Variants in NRCAM observed in about 807,000 individuals in gnomAD.
NRCAM encodes the protein neuronal cell adhesion molecule.
A neutral mutation model predicts 156.5 loss-of-function variants in NRCAM; 83 were observed. That is an observed-to-expected ratio of 0.53 (90% CI 0.44 to 0.64). The LOEUF is 0.64. Ranked by LOEUF, NRCAM falls within the 30% of genes least tolerant of loss-of-function variation. The pLI, the probability that NRCAM is intolerant of heterozygous loss-of-function variation, is 0.00. For missense variants in NRCAM, 1,417 were observed against 1,597.3 expected (o/e 0.89, Z 1.92); for synonymous variants, 538 against 563.9 (o/e 0.95, Z 0.65).
intron 32 of NRCAM, among the ~76,000 whole-genome samples, chr7:108,157,185 A>G (rs986472428): frequency 6.6e-6 from 1 of 152,158 alleles, no homozygotes; most frequent in African/African-American, 2.4e-5. Context: ...TTATGTCATT[A>G]CATGTATGAC....
chr7:108,423,538 A>G (rs1212613954), intron 1 of NRCAM, among the ~76,000 whole-genome samples: 1 of 152,246 alleles, frequency 6.6e-6, no homozygotes, highest in African/African-American at 2.4e-5. Flanking sequence ...AGAGAACTTC[A>G]GCAGTGGGAA....
At chr7:108,177,111 T>A (rs2060803120) in intron 26 of NRCAM, among the ~76,000 whole-genome samples, 1 of 152,212 alleles carries the variant, frequency 6.6e-6, no homozygotes, top group South Asian at 2.1e-4. Context: ...AAAGTAAGAT[T>A]TGAAGTTCTT....
intron 15 of NRCAM, among the ~76,000 whole-genome samples, chr7:108,195,290 T>C (rs959961770): frequency 6.6e-6 from 1 of 152,182 alleles, no homozygotes; most frequent in African/African-American, 2.4e-5. Flanking sequence ...ACAGAGCCAG[T>C]AGTTAATAAA....
chr7:108,379,548 A>T (rs2099691989), intron 2 of NRCAM, among the ~76,000 whole-genome samples: 1 of 152,168 alleles, frequency 6.6e-6, no homozygotes, highest in Non-Finnish European at 1.5e-5. Context: ...TGACAATGTG[A>T]ATGTACTTAA....
intron 1 of NRCAM, among the ~76,000 whole-genome samples, chr7:108,421,807 AT>A (rs1199092290): frequency 1.3e-5 from 2 of 152,204 alleles, no homozygotes. Flanking sequence ...TGCACAGTTT[AT>A]TTTGAGAACT....
intron 2 of NRCAM, among the ~76,000 whole-genome samples, chr7:108,327,180 G>A (rs1038156447): frequency 2.0e-5 from 3 of 152,160 alleles, no homozygotes; most frequent in Admixed American, 6.6e-5. Context: ...CGAATGCCTG[G>A]GTGGGAATTC....
At chr7:108,228,046 G>A (rs1392403428) in intron 8 of NRCAM, among the ~76,000 whole-genome samples, 1 of 152,174 alleles carries the variant, frequency 6.6e-6, no homozygotes, top group Non-Finnish European at 1.5e-5. Flanking sequence ...CCCAAGCCGG[G>A]CTTGGTGGCT....
intron 3 of NRCAM, among the ~76,000 whole-genome samples, chr7:108,249,766 C>T (rs2096220673): frequency 6.6e-6 from 1 of 152,220 alleles, no homozygotes; most frequent in Non-Finnish European, 1.5e-5. Flanking sequence ...GCTGTCTCTG[C>T]TCAATTCTGC....
intron 2 of NRCAM, among the ~76,000 whole-genome samples, chr7:108,317,214 G>A (rs947896129): frequency 2.6e-5 from 4 of 152,148 alleles, no homozygotes; most frequent in African/African-American, 4.8e-5. Flanking sequence ...TAGTTTGGGG[G>A]TTTGTTAGAA....
intron 18 of NRCAM, 45 bp from the exon 19 acceptor site, chr7:108,191,328 T>C: frequency 7.1e-7 from 1 of 1,414,758 alleles, no homozygotes; most frequent in Non-Finnish European, 9.8e-7. Flanking sequence ...AAATTAGTAA[T>C]GGAAAGATAC....
At chr7:108,382,967 T>C (rs1199597246) in intron 2 of NRCAM, among the ~76,000 whole-genome samples, 2 of 152,158 alleles carry the variant, frequency 1.3e-5, no homozygotes, top group Admixed American at 1.3e-4. Flanking sequence ...TTCCCTAAGC[T>C]TCAGTTCCCA....
At chr7:108,195,139 CCACTACT>C (rs2074246170) in intron 15 of NRCAM, among the ~76,000 whole-genome samples, 2 of 152,106 alleles carry the variant, frequency 1.3e-5, no homozygotes, top group African/African-American at 4.8e-5. Flanking sequence ...GTCCCTCCAG[CCACTACT>C]CACAAAATCC....
At chr7:108,200,056 T>A (rs934220043) in intron 13 of NRCAM, among the ~76,000 whole-genome samples, 1 of 152,068 alleles carries the variant, frequency 6.6e-6, no homozygotes, top group African/African-American at 2.4e-5. Context: ...CAAGGAAAAA[T>A]GTAACAAAAA....
At chr7:108,355,043 AG>A (rs2099477982) in intron 2 of NRCAM, among the ~76,000 whole-genome samples, 1 of 152,238 alleles carries the variant, frequency 6.6e-6, no homozygotes, top group Admixed American at 6.5e-5. Context: ...CTTTTATTGA[AG>A]GGTTTTAGAG....
chr7:108,452,063 A>G (rs759909019), intron 1 of NRCAM, among the ~76,000 whole-genome samples: 3 of 152,244 alleles, frequency 2.0e-5, no homozygotes, highest in Non-Finnish European at 4.4e-5. Flanking sequence ...ACAGTTGCTG[A>G]CGCTGAAGGC....
intron 3 of NRCAM, among the ~76,000 whole-genome samples, chr7:108,304,054 G>A (rs2098676840): frequency 6.6e-6 from 1 of 152,008 alleles, no homozygotes; most frequent in Non-Finnish European, 1.5e-5. Context: ...AAGAAAGGAG[G>A]GAAGAAGTGA....
At chr7:108,442,229 A>C (rs1404832644) in intron 1 of NRCAM, among the ~76,000 whole-genome samples, 2 of 152,100 alleles carry the variant, frequency 1.3e-5, no homozygotes, top group Middle Eastern at 3.2e-3. Flanking sequence ...CAGGGCAGAG[A>C]GCCCGGTGAG....
intron 2 of NRCAM, among the ~76,000 whole-genome samples, chr7:108,334,475 G>A (rs1335897823): frequency 1.3e-5 from 2 of 152,150 alleles, no homozygotes; most frequent in Non-Finnish European, 2.9e-5. Flanking sequence ...AGCTAAACAG[G>A]TCTACGGTAC....
At chr7:108,315,208 A>G (rs1249276757) in intron 2 of NRCAM, among the ~76,000 whole-genome samples, 2 of 152,178 alleles carry the variant, frequency 1.3e-5, no homozygotes, top group African/African-American at 4.8e-5. Flanking sequence ...TTTATATTTA[A>G]TCTTTGGTCT....
Sources: allele counts gnomAD v4.1 joint callset (sites outside exome capture counted in the v4.1 genomes callset), GRCh38; gene constraint gnomAD v4.1.1; transcripts MANE v1.5; gene names NCBI Gene and HGNC (gene_info 2026-07-23, HGNC 2026-07-21).